Variants in SUCLG2 observed in about 807,000 individuals in gnomAD.
SUCLG2 encodes succinate-CoA ligase GDP-forming subunit beta.
Under a neutral mutation model 47.9 loss-of-function variants are expected in SUCLG2, and 42 were observed. The observed-to-expected ratio is 0.88, with a 90% CI of 0.69 to 1.14. The LOEUF (loss-of-function observed/expected upper bound fraction) is 1.14. Among genes scored for constraint, SUCLG2 ranks in the 50% most tolerant of loss-of-function variants. SUCLG2 has a pLI of 0.00. For synonymous variants in SUCLG2, 195 were observed against 197.3 expected, an observed-to-expected ratio of 0.99 and a Z score of 0.10; for missense variants, 571 against 525.9, an observed-to-expected ratio of 1.09 and a Z score of -0.84.
downstream of SUCLG2, among the ~76,000 whole-genome samples, chr3:67,371,360 C>T (rs1701950366): frequency 6.6e-6 from 1 of 152,214 alleles, no homozygotes; most frequent in Non-Finnish European, 1.5e-5. Context: ...GACTGCCAGA[C>T]CTAAACTTCT....
At chr3:67,501,509 C>T (rs1005030978) in intron 7 of SUCLG2, among the ~76,000 whole-genome samples, 1 of 152,020 alleles carries the variant, frequency 6.6e-6, no homozygotes, top group African/African-American at 2.4e-5. Context: ...TAACATTTGG[C>T]CTTTGACCCT....
chr3:67,613,132 T>C (rs1215526538), intron 1 of SUCLG2, among the ~76,000 whole-genome samples: 1 of 152,224 alleles, frequency 6.6e-6, no homozygotes, highest in Non-Finnish European at 1.5e-5. Context: ...TAGGCATGAT[T>C]GTTACCTCAT....
intron 2 of SUCLG2, among the ~76,000 whole-genome samples, chr3:67,599,356 T>C (rs932475285): frequency 2.0e-5 from 3 of 152,096 alleles, no homozygotes; most frequent in African/African-American, 7.2e-5. Context: ...GAGAGGACAA[T>C]GAGCGAAAGG....
At chr3:67,502,620 T>A (rs906469356) in intron 7 of SUCLG2, among the ~76,000 whole-genome samples, 1 of 152,220 alleles carries the variant, frequency 6.6e-6, no homozygotes, top group Non-Finnish European at 1.5e-5. Context: ...AATATGCACA[T>A]GCTTTTTTAT....
chr3:67,389,885 A>T (rs904840695), intron 10 of SUCLG2, among the ~76,000 whole-genome samples: 13 of 152,150 alleles, frequency 8.5e-5, no homozygotes, highest in African/African-American at 2.7e-4. Flanking sequence ...CAATATTAAA[A>T]TTGGCTCAGA....
At chr3:67,534,019 A>G (rs1706472068) in intron 2 of SUCLG2, among the ~76,000 whole-genome samples, 1 of 152,174 alleles carries the variant, frequency 6.6e-6, no homozygotes, top group Admixed American at 6.5e-5. Context: ...GCTCTCCAGT[A>G]GACTGCTGCC....
At chr3:67,623,326 C>T (rs1700767147) in intron 1 of SUCLG2, among the ~76,000 whole-genome samples, 1 of 151,946 alleles carries the variant, frequency 6.6e-6, no homozygotes, top group African/African-American at 2.4e-5. Context: ...CAGTGAAACC[C>T]CATCTCTACT....
intron 10 of SUCLG2, among the ~76,000 whole-genome samples, chr3:67,367,663 G>A (rs1210865787): frequency 6.6e-6 from 1 of 152,200 alleles, no homozygotes; most frequent in Non-Finnish European, 1.5e-5. Flanking sequence ...CTACCTACTA[G>A]AAGTGAGGAG....
In SUCLG2 at chr3:67,435,143, G is replaced by GT. The variant is rs553668549; in HGVS notation, c.1063-34293dup. ...GCTGGTGTAGCTACAGCTGACAAAGGTTTGAGGACCACAGTTCTCATTCTC... is the reference window on the plus strand; with the variant it reads ...GCTGGTGTAGCTACAGCTGACAAAGGTTTTGAGGACCACAGTTCTCATTCTC... On this transcript the variant is annotated intron_variant, in intron 9 of 10. Coordinates refer to ENST00000307227, the MANE Select transcript of SUCLG2 (RefSeq NM_003848.4). Among the ~76,000 whole-genome samples the GT allele has an allele frequency of 1.8e-3, 280 of 152,206 alleles. 1 individual carries two copies. Among genetic ancestry groups the GT allele is most frequent in the African/African-American group, 6.1e-3 (255 of 41,538 alleles).
At chr3:67,364,341 A>C (rs1457495680) in intron 10 of SUCLG2, among the ~76,000 whole-genome samples, 2 of 151,764 alleles carry the variant, frequency 1.3e-5, no homozygotes, top group East Asian at 3.9e-4. Context: ...CTGGCCTTCC[A>C]CCCCTGCTCA....
At chr3:67,482,939 A>T (rs911188182) in intron 9 of SUCLG2, among the ~76,000 whole-genome samples, 4 of 152,222 alleles carry the variant, frequency 2.6e-5, no homozygotes, top group African/African-American at 4.8e-5. Context: ...TAATTGAGAA[A>T]AAAGGATGTG....
At chr3:67,551,386 C>A (rs1249681015) in intron 2 of SUCLG2, among the ~76,000 whole-genome samples, 1 of 152,204 alleles carries the variant, frequency 6.6e-6, no homozygotes, top group African/African-American at 2.4e-5. Flanking sequence ...TCTTGTCTTG[C>A]TTTTCGATAG....
At chr3:67,414,010 T>G (rs1456676577) in intron 9 of SUCLG2, among the ~76,000 whole-genome samples, 1 of 152,220 alleles carries the variant, frequency 6.6e-6, no homozygotes, top group Non-Finnish European at 1.5e-5. Context: ...AAAAAAAGCT[T>G]CTTGGGTTGA....
At chr3:67,408,990 C>G in intron 9 of SUCLG2, 1 of 1,535,416 alleles carries the variant, frequency 6.5e-7, no homozygotes, top group Non-Finnish European at 8.7e-7. Flanking sequence ...GCTTCTGAGT[C>G]CTGTATTCTG....
chr3:67,463,048 A>C (rs1704377474), intron 9 of SUCLG2, among the ~76,000 whole-genome samples: 1 of 152,234 alleles, frequency 6.6e-6, no homozygotes. Context: ...GTTTGTGGGC[A>C]GAAACTGCAG....
intron 1 of SUCLG2, among the ~76,000 whole-genome samples, chr3:67,653,758 C>G (rs751472133): frequency 6.6e-6 from 1 of 152,216 alleles, no homozygotes; most frequent in African/African-American, 2.4e-5. Context: ...TGAAGTCCTT[C>G]TGACTATTTT....
chr3:67,495,767 C>CAT, intron 9 of SUCLG2, 31 bp downstream of exon 9: 1 of 1,611,178 alleles, frequency 6.2e-7, no homozygotes, highest in Non-Finnish European at 8.5e-7. Context: ...TTAAAACTGG[C>CAT]ATATAATCTC....
chr3:67,622,134 A>T (rs565680222), intron 1 of SUCLG2, among the ~76,000 whole-genome samples: 28 of 152,220 alleles, frequency 1.8e-4, no homozygotes, highest in Non-Finnish European at 3.8e-4. Context: ...ATTAAAGCTA[A>T]GGATTAATAA....
At chr3:67,383,490 T>C (rs1702201783) in intron 10 of SUCLG2, among the ~76,000 whole-genome samples, 1 of 152,216 alleles carries the variant, frequency 6.6e-6, no homozygotes, top group South Asian at 2.1e-4. Context: ...GGCTGTATTG[T>C]ATCCACACCT....
Sources: allele counts gnomAD v4.1 joint callset (sites outside exome capture counted in the v4.1 genomes callset), GRCh38; gene constraint gnomAD v4.1.1; transcripts MANE v1.5; gene names NCBI Gene and HGNC (gene_info 2026-07-23, HGNC 2026-07-21).